Variants in PALS1 observed in about 807,000 individuals in gnomAD.
PALS1 encodes protein associated with LIN7 1, MAGUK p55 family member, also known as protein PALS1.
Under a neutral mutation model 78.9 loss-of-function variants are expected in PALS1, and 31 were observed. The observed-to-expected ratio is 0.39, with a 90% CI of 0.30 to 0.53. The LOEUF (loss-of-function observed/expected upper bound fraction) is 0.53, where lower values mean the gene tolerates loss of function less well. PALS1 is among the 20% of genes least tolerant of loss of function. The pLI, the probability that PALS1 is intolerant of heterozygous loss-of-function variation, is 0.67. For missense variants in PALS1, 704 were observed against 826.5 expected, an observed-to-expected ratio of 0.85 and a Z score of 1.82; for synonymous variants, 276 against 270.9, an observed-to-expected ratio of 1.02 and a Z score of -0.18.
At chr14:67,286,421 G>C (rs1040606032) in intron 3 of PALS1, among the ~76,000 whole-genome samples, 2 of 152,116 alleles carry the variant, frequency 1.3e-5, no homozygotes, top group African/African-American at 2.4e-5. Flanking sequence ...GTATTTGACA[G>C]GACTGATTTA....
intron 14 of PALS1, among the ~76,000 whole-genome samples, chr14:67,330,874 G>A (rs1426255700): frequency 1.3e-5 from 2 of 152,188 alleles, no homozygotes; most frequent in African/African-American, 4.8e-5. Context: ...GTCAGACCCT[G>A]AAAGATGTCA....
chr14:67,297,603 A>G (rs943867612), intron 4 of PALS1, among the ~76,000 whole-genome samples: 2 of 152,246 alleles, frequency 1.3e-5, no homozygotes, highest in African/African-American at 2.4e-5. Context: ...AAGTCAGTGG[A>G]AACAGAATAA....
At chr14:67,332,316 C>G (rs2085462677) in intron 14 of PALS1, among the ~76,000 whole-genome samples, 3 of 152,166 alleles carry the variant, frequency 2.0e-5, no homozygotes, top group Admixed American at 2.0e-4. Flanking sequence ...TTTTAACTCT[C>G]TGCAGCAGAT....
chr14:67,329,065 G>A (rs889048191), intron 14 of PALS1, among the ~76,000 whole-genome samples: 1 of 152,076 alleles, frequency 6.6e-6, no homozygotes, highest in Admixed American at 6.5e-5. Context: ...AAATTACCTT[G>A]GGCAGTATGG....
At chr14:67,322,190 T>TA (rs954836082) in intron 13 of PALS1, among the ~76,000 whole-genome samples, 3 of 151,624 alleles carry the variant, frequency 2.0e-5, no homozygotes, top group East Asian at 1.9e-4. Context: ...TACCAAAAAT[T>TA]AAAAAAAATT....
intron 1 of PALS1, among the ~76,000 whole-genome samples, chr14:67,268,009 A>G (rs1344462415): frequency 6.6e-6 from 1 of 152,136 alleles, no homozygotes; most frequent in Non-Finnish European, 1.5e-5. Context: ...GTTTTAGACT[A>G]TTATTAATAT....
At chr14:67,298,543 A>G (rs2084890755) in intron 4 of PALS1, among the ~76,000 whole-genome samples, 1 of 152,072 alleles carries the variant, frequency 6.6e-6, no homozygotes, top group South Asian at 2.1e-4. Flanking sequence ...TATTATAAAA[A>G]CTATGAGTAG....
At chr14:67,255,612 G>C (rs1200712371) in intron 1 of PALS1, among the ~76,000 whole-genome samples, 1 of 152,194 alleles carries the variant, frequency 6.6e-6, no homozygotes, top group Admixed American at 6.5e-5. Context: ...CTTAGGGCTT[G>C]AGAGATAACA....
At position 67,279,713 on chromosome 14, in the gene PALS1, A is replaced by G. The variant is rs140135990; in HGVS notation, c.367+176A>G. 627 of 539,254 alleles carry G rather than the reference A, an allele frequency of 1.2e-3. 2 individuals carry two copies. Among genetic ancestry groups the G allele is most frequent in the African/African-American group, 0.011 (568 of 51,746 alleles). 33.4% of individuals were successfully genotyped at this position (539,254 alleles called of 1,614,324 possible). A position where few individuals can be genotyped will look rare whatever the true frequency, so the allele number is the denominator to read the frequency against. On this transcript the variant is annotated intron_variant, in intron 3 of 14. Coordinates refer to ENST00000261681, the MANE Select transcript of PALS1 (RefSeq NM_022474.4). Reference sequence around the variant, plus strand: ...ATAACTATTGTTTACTGTTACCAACATAGAGCTAAAAGCATGTGGCTTAAA... The same window carrying G: ...ATAACTATTGTTTACTGTTACCAACGTAGAGCTAAAAGCATGTGGCTTAAA...
intron 1 of PALS1, among the ~76,000 whole-genome samples, chr14:67,260,372 A>G (rs1350443333): frequency 6.6e-6 from 1 of 152,198 alleles, no homozygotes; most frequent in Non-Finnish European, 1.5e-5. Context: ...TTCTTTGGTC[A>G]AAAAGATTAA....
chr14:67,310,357 A>C (rs944377085), intron 8 of PALS1, among the ~76,000 whole-genome samples: 1 of 152,184 alleles, frequency 6.6e-6, no homozygotes, highest in Non-Finnish European at 1.5e-5. Context: ...TATTTGGTAC[A>C]AGATTATATA....
chr14:67,264,162 G>A (rs1323685630), intron 1 of PALS1, among the ~76,000 whole-genome samples: 1 of 152,142 alleles, frequency 6.6e-6, no homozygotes, highest in Non-Finnish European at 1.5e-5. Context: ...TAAAATTGTA[G>A]AATGTTTATT....
At chr14:67,266,271 T>C (rs1595570173) in intron 1 of PALS1, among the ~76,000 whole-genome samples, 1 of 152,322 alleles carries the variant, frequency 6.6e-6, no homozygotes, top group Non-Finnish European at 1.5e-5. Flanking sequence ...TTTGTTTAGG[T>C]TGTGCCTTTT....
chr14:67,323,965 G>A (rs1306006592), intron 14 of PALS1, among the ~76,000 whole-genome samples, 153 bp downstream of exon 14: 2 of 152,172 alleles, frequency 1.3e-5, no homozygotes, highest in Non-Finnish European at 2.9e-5. Context: ...TGCCATGGTT[G>A]CCACTGGGTT....
At chr14:67,248,759 C>T (rs2084021728) in intron 1 of PALS1, among the ~76,000 whole-genome samples, 1 of 152,100 alleles carries the variant, frequency 6.6e-6, no homozygotes, top group African/African-American at 2.4e-5. Flanking sequence ...TCCAATAAAA[C>T]TTTACTTATA....
At chr14:67,308,867 C>T (rs1271145983) in intron 8 of PALS1, among the ~76,000 whole-genome samples, 1 of 152,034 alleles carries the variant, frequency 6.6e-6, no homozygotes, top group Non-Finnish European at 1.5e-5. Context: ...ATTCTAATAG[C>T]CTTCTTGATT....
At chr14:67,247,887 A>C (rs1325016271) in intron 1 of PALS1, among the ~76,000 whole-genome samples, 2 of 152,164 alleles carry the variant, frequency 1.3e-5, no homozygotes, top group East Asian at 3.9e-4. Context: ...CTTCTTGCTC[A>C]CTTTCTTAAA....
intron 1 of PALS1, among the ~76,000 whole-genome samples, chr14:67,268,126 T>A (rs2084357362): frequency 6.6e-6 from 1 of 152,226 alleles, no homozygotes; most frequent in African/African-American, 2.4e-5. Flanking sequence ...GGAAACTGTA[T>A]GTTTAACTTT....
chr14:67,264,760 T>A (rs1167183056), intron 1 of PALS1, among the ~76,000 whole-genome samples: 1 of 152,196 alleles, frequency 6.6e-6, no homozygotes, highest in East Asian at 1.9e-4. Flanking sequence ...CCTAGAATCA[T>A]GGGGTGAGAA....
Sources: allele counts gnomAD v4.1 joint callset (sites outside exome capture counted in the v4.1 genomes callset), GRCh38; gene constraint gnomAD v4.1.1; transcripts MANE v1.5; gene names NCBI Gene and HGNC (gene_info 2026-07-23, HGNC 2026-07-21).